CHD7: variants seen among roughly 807,000 people sequenced by gnomAD.
CHD7 encodes chromodomain helicase DNA binding protein 7, also known as ATP-dependent chromatin remodeler CHD7.
A neutral mutation model predicts 307.3 loss-of-function variants in CHD7; 24 were observed. That is an observed-to-expected ratio of 0.08 (90% CI 0.06 to 0.11). CHD7 has a LOEUF of 0.11. Ranked by LOEUF, CHD7 falls within the 10% of genes least tolerant of loss-of-function variation. CHD7 has a pLI of 1.00. For missense variants in CHD7, 3,106 were observed against 3,727.1 expected (o/e 0.83, Z 4.34); for synonymous variants, 1,363 against 1,349.9 (o/e 1.01, Z -0.21).
At chr8:60,739,584 C>T (rs1808887225) in intron 1 of CHD7, among the ~76,000 whole-genome samples, 1 of 152,166 alleles carries the variant, frequency 6.6e-6, no homozygotes, top group African/African-American at 2.4e-5. Context: ...TGGCAGTTAG[C>T]GGCAGAGTGA....
chr8:60,852,657 T>C lies in CHD7; in HGVS notation c.6054T>C (p.Phe2018=), dbSNP rs752789221. The change falls in exon 30 of 38, where the codon TTT becomes TTC. Residue 2018 remains phenylalanine, a synonymous_variant. Coordinates refer to ENST00000423902, the MANE Select transcript of CHD7 (RefSeq NM_017780.4). ...GTTTGGAGAAATACTTCAGTTGTTT[T>C]GTGGCCATGTGTAGGCGAGTATGTC... ...DESLEKYFSC[F]VAMCRRVCRM... 6.2e-7 allele frequency: 1 copy of C among 1,613,996 alleles called. No individual in the cohort carries two copies. The highest frequency in any genetic ancestry group is 2.2e-5 in the East Asian group (1 of 44,876).
Position 60,867,503 on chromosome 8 carries a change from T to A in CHD7, c.*1570T>A, listed in dbSNP as rs1806278276. 6.6e-6 allele frequency: 1 copy of A among 152,242 alleles called. No individual in the cohort carries two copies. The highest frequency in any genetic ancestry group is 1.5e-5 in the Non-Finnish European group (1 of 68,038). The allele number at this position is 152,242 out of a possible 1,614,324, so 9.4% of individuals were successfully genotyped here. A position where few individuals can be genotyped will look rare whatever the true frequency, so the allele number is the denominator to read the frequency against. Reference sequence around the variant, plus strand: ...TTTGGTATTTAAAGTAAAATATAATTTGAGATCTACTGTTTTCACCTTTTT... The same window carrying A: ...TTTGGTATTTAAAGTAAAATATAATATGAGATCTACTGTTTTCACCTTTTT... On this transcript the variant is annotated 3_prime_UTR_variant, in exon 38 of 38. Coordinates refer to ENST00000423902, the MANE Select transcript of CHD7 (RefSeq NM_017780.4).
chr8:60,715,966 T>C (rs193295036), intron 1 of CHD7, among the ~76,000 whole-genome samples: 1 of 152,306 alleles, frequency 6.6e-6, no homozygotes, highest in East Asian at 1.9e-4. Flanking sequence ...AGGACTTTGG[T>C]GTAAAATGAG....
rs1441798796 is a variant in CHD7 at position 60,749,683 on chromosome 8, C to G, written c.1665+6586C>G. On this transcript the variant is annotated intron_variant, in intron 2 of 37. Coordinates refer to ENST00000423902, the MANE Select transcript of CHD7 (RefSeq NM_017780.4). Reference sequence around the variant, plus strand: ...CACCTTCAGAAAACAGGCACCCAGGCTGGACCTCATTGGAGCAGGTTGCCC... The same window carrying G: ...CACCTTCAGAAAACAGGCACCCAGGGTGGACCTCATTGGAGCAGGTTGCCC... Among the ~76,000 whole-genome samples the G allele has an allele frequency of 4.6e-5, 7 of 152,266 alleles. No homozygotes were observed. In the East Asian group the frequency reaches 1.3e-3, roughly 29 times the overall value.
intron 4 of CHD7, among the ~76,000 whole-genome samples, chr8:60,798,863 C>T (rs755998926): frequency 3.9e-5 from 6 of 152,130 alleles, no homozygotes; most frequent in Non-Finnish European, 8.8e-5. Context: ...AAGGTTATTT[C>T]TCCTTATTAA....
At chr8:60,851,399 T>A in intron 28 of CHD7, 80 bp downstream of exon 28, 2 of 1,037,106 alleles carry the variant, frequency 1.9e-6, no homozygotes, top group Non-Finnish European at 2.9e-6. Flanking sequence ...ACTGTCCTGC[T>A]TCATGACAGC....
At chr8:60,684,999 C>G (rs1416359955) in intron 1 of CHD7, among the ~76,000 whole-genome samples, 1 of 152,102 alleles carries the variant, frequency 6.6e-6, no homozygotes, top group Non-Finnish European at 1.5e-5. Flanking sequence ...GGGATAGATG[C>G]GCTCTCAAGA....
intron 1 of CHD7, among the ~76,000 whole-genome samples, chr8:60,712,789 C>T (rs1384581536): frequency 6.6e-6 from 1 of 151,700 alleles, no homozygotes. Flanking sequence ...AGTGGCTCAC[C>T]CCTGTATCCC....
At chr8:60,818,164 C>T (rs1803837045) in intron 8 of CHD7, among the ~76,000 whole-genome samples, 1 of 152,226 alleles carries the variant, frequency 6.6e-6, no homozygotes, top group Non-Finnish European at 1.5e-5. Context: ...TCATCCCATA[C>T]ATGATCATGG....
intron 2 of CHD7, among the ~76,000 whole-genome samples, chr8:60,777,243 G>T (rs1810994267): frequency 6.6e-6 from 1 of 152,136 alleles, no homozygotes; most frequent in Admixed American, 6.5e-5. Context: ...AAATACATTT[G>T]TCTGTAAATA....
chr8:60,769,806 C>T (rs138271682), intron 2 of CHD7, among the ~76,000 whole-genome samples: 1 of 152,164 alleles, frequency 6.6e-6, no homozygotes, highest in African/African-American at 2.4e-5. Flanking sequence ...CTCTTCTGTC[C>T]CTATTTGACA....
chr8:60,807,284 G>A (rs1812581002), intron 6 of CHD7, among the ~76,000 whole-genome samples: 1 of 152,150 alleles, frequency 6.6e-6, no homozygotes, highest in African/African-American at 2.4e-5. Flanking sequence ...AGGCAGGCTT[G>A]GGGTCTCTTG....
chr8:60,703,976 T>G (rs770164755), intron 1 of CHD7, among the ~76,000 whole-genome samples: 1 of 152,176 alleles, frequency 6.6e-6, no homozygotes, highest in Non-Finnish European at 1.5e-5. Flanking sequence ...CCAGTTCTTT[T>G]GTTCCTCTCC....
intron 13 of CHD7, chr8:60,825,336 A>T: frequency 6.6e-6 from 1 of 152,234 alleles, no homozygotes; most frequent in East Asian, 1.9e-4. Flanking sequence ...AGTCTGACTG[A>T]ATTATCCTAT....
chr8:60,862,678 A>G, intron 37 of CHD7, 26 bp downstream of exon 37: 1 of 1,451,006 alleles, frequency 6.9e-7, no homozygotes, highest in Non-Finnish European at 9.5e-7. Context: ...ATTTCTATCA[A>G]GAAAGGTAGC....
intron 32 of CHD7, chr8:60,855,042 A>G (rs1233573884): frequency 6.6e-6 from 1 of 152,212 alleles, no homozygotes; most frequent in Non-Finnish European, 1.5e-5. Context: ...TAAATAGTAT[A>G]ATTTTATAAT....
At chr8:60,812,612 C>T (rs893828878) in intron 7 of CHD7, among the ~76,000 whole-genome samples, 2 of 145,228 alleles carry the variant, frequency 1.4e-5, no homozygotes, top group Admixed American at 7.0e-5. Flanking sequence ...GGCAGTGAGC[C>T]GAGATTGCGC....
rs760034081 is a variant in CHD7 at position 60,795,089 on chromosome 8, T to C, written c.2200T>C (p.Ser734Pro). 3.7e-6 allele frequency: 6 copies of C among 1,613,668 alleles called. 1 individual carries two copies. The South Asian group carries it at 6.6e-5, about 18-fold the overall frequency. Residue 734 changes from serine (S) to proline (P), a missense_variant, in exon 4 of 38, where the codon TCT becomes CCT. Physicochemically the swap from Ser to Pro is moderately conservative, Grantham distance 74. This residue lies in a region of CHD7 where 998 missense variants were observed against 1,004.5 expected (regional missense o/e 0.99). Transcript: ENST00000423902. Reference sequence around the variant, plus strand: ...AGACTTAGACAAAACACCCCCACCATCTCCTCCTCCTGAAGAAGATGAGGA... The same window carrying C: ...AGACTTAGACAAAACACCCCCACCACCTCCTCCTCCTGAAGAAGATGAGGA... ...NSDLDKTPPPSPPPEEDEDPG... is the reference protein window; with the variant it reads ...NSDLDKTPPPPPPPEEDEDPG...
intron 1 of CHD7, among the ~76,000 whole-genome samples, chr8:60,714,538 G>A (rs1807477684): frequency 6.6e-6 from 1 of 152,090 alleles, no homozygotes; most frequent in African/African-American, 2.4e-5. Context: ...CTCCAGCGCT[G>A]GCACCTGGCT....
Sources: gnomAD v4.1 joint callset for allele counts (sites outside exome capture counted in the v4.1 genomes callset) on GRCh38, gnomAD v4.1.1 for gene constraint, gnomAD v4.1.1 regional missense constraint, MANE v1.5 for transcripts, NCBI Gene and HGNC (gene_info 2026-07-23, HGNC 2026-07-21) for gene names.